Variants in RBFOX1 observed in about 807,000 individuals in gnomAD.
The protein encoded by RBFOX1 is RNA binding protein fox-1 homolog 1.
In RBFOX1, 8 loss-of-function variants were observed where a neutral mutation model predicts 57.7. The ratio of observed to expected loss-of-function variants is 0.14; its 90% CI spans 0.08 to 0.25. The LOEUF (loss-of-function observed/expected upper bound fraction) is 0.25. Ranked by LOEUF, RBFOX1 falls within the 10% of genes least tolerant of loss-of-function variation. The pLI, the probability that RBFOX1 is intolerant of heterozygous loss-of-function variation, is 1.00. For synonymous variants in RBFOX1, 326 were observed against 222.4 expected, an observed-to-expected ratio of 1.47 and a Z score of -4.15; for missense variants, 611 against 548.5, an observed-to-expected ratio of 1.11 and a Z score of -1.14.
At chr16:7,262,155 T>G (rs2094942672) in intron 4 of RBFOX1, among the ~76,000 whole-genome samples, 2 of 152,108 alleles carry the variant, frequency 1.3e-5, no homozygotes, top group African/African-American at 4.8e-5. Context: ...TAAATATAGT[T>G]ATATATCTAT....
At chr16:5,372,806 G>A (rs1449490428) in intron 1 of RBFOX1, among the ~76,000 whole-genome samples, 2 of 152,190 alleles carry the variant, frequency 1.3e-5, no homozygotes, top group African/African-American at 2.4e-5. Flanking sequence ...ATGCTGGGTC[G>A]CGTTGACCCG....
intron 3 of RBFOX1, among the ~76,000 whole-genome samples, chr16:7,037,551 C>CACA (rs1054133572): frequency 6.6e-6 from 1 of 152,078 alleles, no homozygotes. Context: ...AAGAAGAAAT[C>CACA]ACAACAACAA....
At chr16:6,290,386 G>T (rs952435232) in intron 1 of RBFOX1, among the ~76,000 whole-genome samples, 126 of 110,070 alleles carry the variant, frequency 1.1e-3, no homozygotes, top group Middle Eastern at 0.013. Flanking sequence ...TAGCATTTTT[G>T]GACAGTGGAG....
In RBFOX1 at chr16:5,487,470, C is replaced by A. The variant is rs111449374; in HGVS notation, c.258+20216C>A. On this transcript the variant is annotated intron_variant, in intron 2 of 2. Transcript: ENST00000585867. The stretch of plus-strand genomic sequence containing the variant: ...GGGTTACCCTAGATTGTTGAGTGGA[C>A]CCTGAGGGTGAGGACTTGGGTTCTT... Among the ~76,000 whole-genome samples the A allele has an allele frequency of 3.6e-3, 554 of 152,256 alleles. 5 individuals carry two copies. The highest frequency in any genetic ancestry group is 0.013 in the African/African-American group (533 of 41,538).
chr16:7,055,523 CTCA>C (rs1159936812), intron 4 of RBFOX1, among the ~76,000 whole-genome samples: 3 of 152,168 alleles, frequency 2.0e-5, no homozygotes, highest in Non-Finnish European at 4.4e-5. Flanking sequence ...GGGCAGCACT[CTCA>C]TCAGAAGGAA....
rs185013324 is a variant in RBFOX1, at chr16:6,856,765, G to T, written c.-15-195292G>T. Reference sequence around the variant, plus strand: ...AATGATGATCCATTTGTCAAAAACCGCCACTCAAGCACTAAGGAGATGTGT... The same window carrying T: ...AATGATGATCCATTTGTCAAAAACCTCCACTCAAGCACTAAGGAGATGTGT... On this transcript the variant is annotated intron_variant, in intron 3 of 15. Transcript: ENST00000550418. Among the ~76,000 whole-genome samples the T allele has an allele frequency of 5.5e-3, 839 of 152,118 alleles. 16 individuals are homozygous for T. The highest frequency in any genetic ancestry group is 0.019 in the African/African-American group (805 of 41,496).
At chr16:6,571,894 G>T (rs1218906678) in intron 2 of RBFOX1, among the ~76,000 whole-genome samples, 1 of 150,892 alleles carries the variant, frequency 6.6e-6, no homozygotes, top group African/African-American at 2.5e-5. Context: ...TACAACTGTT[G>T]GTAACATTTG....
In RBFOX1 at chr16:6,304,177, A is replaced by G. The variant is rs1034087074; in HGVS notation, c.-126-12818A>G. Among the ~76,000 whole-genome samples the G allele has an allele frequency of 2.0e-5, 3 of 151,824 alleles. No individual in the cohort carries two copies. The South Asian group carries it at 6.3e-4, about 32-fold the overall frequency. ...GTGGCAGGTGCCTGTAGTCCCGGCT[A>G]TTCAGGAGGCTGAGGAAGGAGGATC... On this transcript the variant is annotated intron_variant, in intron 1 of 15. Coordinates refer to ENST00000550418, the MANE Select transcript of RBFOX1 (RefSeq NM_018723.4).
At chr16:6,969,210 C>G (rs988236388) in intron 3 of RBFOX1, among the ~76,000 whole-genome samples, 2 of 152,108 alleles carry the variant, frequency 1.3e-5, no homozygotes, top group African/African-American at 4.8e-5. Flanking sequence ...CCCAGTCCTT[C>G]ACCTGTTATG....
At chr16:6,278,981 T>A (rs992738893) in intron 1 of RBFOX1, among the ~76,000 whole-genome samples, 2 of 152,176 alleles carry the variant, frequency 1.3e-5, no homozygotes, top group Non-Finnish European at 1.5e-5. Context: ...CTATTTTCCA[T>A]TCCTTTGGTC....
intron 1 of RBFOX1, among the ~76,000 whole-genome samples, chr16:6,043,120 GAAAAAAAAAAAAAAAA>G (rs570358262): frequency 4.4e-4 from 31 of 70,236 alleles, no homozygotes; most frequent in East Asian, 2.7e-3. Flanking sequence ...TGTGTTTCCA[GAAAAAAAAAAAAAAAA>G]AAAAAAAAAA....
At chr16:7,002,271 T>C (rs182527792) in intron 3 of RBFOX1, among the ~76,000 whole-genome samples, 1 of 152,206 alleles carries the variant, frequency 6.6e-6, no homozygotes, top group Non-Finnish European at 1.5e-5. Flanking sequence ...CTATCTACTT[T>C]GGAACTTTGC....
chr16:7,399,144 A>G (rs1388602458), intron 4 of RBFOX1, among the ~76,000 whole-genome samples: 6 of 152,184 alleles, frequency 3.9e-5, no homozygotes, highest in African/African-American at 1.4e-4. Flanking sequence ...AGTTGAAATT[A>G]TATTTTTAAA....
chr16:7,032,693 TG>T (rs2043130352), intron 3 of RBFOX1, among the ~76,000 whole-genome samples: 1 of 152,052 alleles, frequency 6.6e-6, no homozygotes, highest in Non-Finnish European at 1.5e-5. Context: ...AGTGAACACA[TG>T]GTTCATTTTC....
intron 2 of RBFOX1, among the ~76,000 whole-genome samples, chr16:6,344,877 C>G (rs1176210589): frequency 6.6e-6 from 1 of 151,088 alleles, no homozygotes; most frequent in African/African-American, 2.4e-5. Flanking sequence ...TTTTAGTAGA[C>G]ACGAGGTTTC....
At chr16:5,802,397 A>G (rs1475306770) in intron 3 of RBFOX1, among the ~76,000 whole-genome samples, 2 of 152,148 alleles carry the variant, frequency 1.3e-5, no homozygotes, top group South Asian at 2.1e-4. Flanking sequence ...ACTGTAAAAC[A>G]TGCAAACAAG....
chr16:5,392,691 A>G (rs1020259922), intron 1 of RBFOX1, among the ~76,000 whole-genome samples: 4 of 152,034 alleles, frequency 2.6e-5, no homozygotes, highest in African/African-American at 4.8e-5. Flanking sequence ...TCAAACCTAG[A>G]TGTATCGTAC....
chr16:5,267,536 G>A (rs2062891576), intron 1 of RBFOX1, among the ~76,000 whole-genome samples: 1 of 151,548 alleles, frequency 6.6e-6, no homozygotes, highest in Non-Finnish European at 1.5e-5. Flanking sequence ...GGCCTGAAGT[G>A]ATCTGCCCAC....
At chr16:7,684,452 T>G (rs2075614420) in intron 14 of RBFOX1, among the ~76,000 whole-genome samples, 2 of 152,188 alleles carry the variant, frequency 1.3e-5, no homozygotes, top group East Asian at 3.9e-4. Context: ...GTGTGACTGT[T>G]CAAATAGATT....
Sources: gnomAD v4.1 joint callset for allele counts (sites outside exome capture counted in the v4.1 genomes callset) on GRCh38, gnomAD v4.1.1 for gene constraint, MANE v1.5 for transcripts, NCBI Gene and HGNC (gene_info 2026-07-23, HGNC 2026-07-21) for gene names.